DOC2A: variants seen among roughly 807,000 people sequenced by gnomAD.
DOC2A encodes the protein double C2-like domain-containing protein alpha.
In DOC2A, 28 loss-of-function variants were observed where a neutral mutation model predicts 40.6. That is an observed-to-expected ratio of 0.69 (90% CI 0.51 to 0.95). The LOEUF is 0.95. Ranked by LOEUF, DOC2A falls within the 40% of genes least tolerant of loss-of-function variation. The pLI is 0.00. For synonymous variants in DOC2A, 241 were observed against 236.9 expected, an observed-to-expected ratio of 1.02 and a Z score of -0.16; for missense variants, 474 against 552.5, an observed-to-expected ratio of 0.86 and a Z score of 1.42.
intron 1 of DOC2A, among the ~76,000 whole-genome samples, chr16:30,017,433 T>A (rs2070865400): frequency 6.6e-6 from 1 of 152,070 alleles, no homozygotes; most frequent in Non-Finnish European, 1.5e-5. Flanking sequence ...AAATGTGATA[T>A]GTATATGCCA....
chr16:30,007,029 A>G lies in DOC2A; in HGVS notation c.714+2T>C. On this transcript the variant is annotated splice_donor_variant, in intron 7 of 10. Transcript: ENST00000350119. LOFTEE classifies it high-confidence loss of function. ...CATCCCCATCCCCATGAGGTGCCTC[A>G]CCTCCTTCAGATAACAGGAGATGCC... 3 of 1,613,732 alleles carry G rather than the reference A, an allele frequency of 1.9e-6. No homozygotes were observed. Among genetic ancestry groups the G allele is most frequent in the Non-Finnish European group, 2.5e-6 (3 of 1,179,888 alleles).
At chr16:30,012,875 A>C (rs2070807850), upstream of DOC2A, among the ~76,000 whole-genome samples, 1 of 151,594 alleles carries the variant, frequency 6.6e-6, no homozygotes, top group Non-Finnish European at 1.5e-5. Flanking sequence ...GCGTGGTGGT[A>C]TGTGTCTTGG....
intron 1 of DOC2A, among the ~76,000 whole-genome samples, chr16:30,020,033 C>A (rs1055370218): frequency 6.6e-6 from 1 of 152,140 alleles, no homozygotes; most frequent in Non-Finnish European, 1.5e-5. Flanking sequence ...CTCAGCCTCC[C>A]GAGTAGCTGG....
At chr16:30,007,362 A>G in intron 5 of DOC2A, 63 bp from the exon 6 acceptor site, 2 of 1,610,876 alleles carry the variant, frequency 1.2e-6, no homozygotes, top group Non-Finnish European at 1.7e-6. Context: ...GGGTGTAGGA[A>G]GGGCCTTGGA....
Position 30,009,326 on chromosome 16 carries a change from C to CA in DOC2A, c.343-51dup. 6.5e-7 allele frequency: 1 copy of CA among 1,528,540 alleles called. No homozygotes were observed. The allele number at this position is 1,528,540 out of a possible 1,614,324, so 94.7% of individuals were successfully genotyped here. On this transcript the variant is annotated intron_variant, in intron 3 of 10. Transcript: ENST00000350119. This position sits in a 1 kb window ranked among gnomAD's most constrained non-coding sequence, Gnocchi z 4.1. ...GCTAGAGGCTCCCGGCACCTCTCTC[C>CA]ATCCCTCTTGTAGAGCTGGACCCTG... is the stretch of plus-strand genomic sequence containing the variant.
At chr16:30,014,388 C>A (rs2070833999), upstream of DOC2A, among the ~76,000 whole-genome samples, 1 of 151,864 alleles carries the variant, frequency 6.6e-6, no homozygotes, top group Admixed American at 6.6e-5. Flanking sequence ...GTAATCCCAG[C>A]ATTTTGGGAG....
At chr16:30,014,689 C>T (rs988846922), upstream of DOC2A, among the ~76,000 whole-genome samples, 1 of 150,194 alleles carries the variant, frequency 6.7e-6, no homozygotes, top group African/African-American at 2.5e-5. Context: ...CCTGTAATCC[C>T]CGCAATTTGG....
Position 30,006,209 on chromosome 16 carries a change from C to T in DOC2A, c.1180G>A (p.Ala394Thr), listed in dbSNP as rs1388512952. 6.3e-7 allele frequency: 1 copy of T among 1,586,110 alleles called. No homozygotes were observed. The highest frequency in any genetic ancestry group is 8.6e-7 in the Non-Finnish European group (1 of 1,167,802). ...HTLTSELPPA[A>T]GALSSA is the part of the protein sequence containing the mutation. ...ACTCAGGCTGAGGACAGAGCCCCGG[C>T]CGCAGGGGGCAGCTCACTGGTCAGG... The change falls in exon 11 of 11, where the codon GCC becomes ACC. Residue 394 changes from alanine to threonine, a missense_variant. By Grantham distance (58) the Ala-to-Thr change is moderately conservative. Coordinates refer to ENST00000350119, the MANE Select transcript of DOC2A (RefSeq NM_003586.3). This position sits in a 1 kb window ranked among gnomAD's most constrained non-coding sequence, Gnocchi z 6.2.
At chr16:30,014,568 G>A (rs1435963731), upstream of DOC2A, among the ~76,000 whole-genome samples, 1 of 151,896 alleles carries the variant, frequency 6.6e-6, no homozygotes, top group African/African-American at 2.4e-5. Flanking sequence ...CCAGGAGGTA[G>A]AGCTTGCAGT....
At chr16:30,017,777 C>G (rs777575427) in intron 1 of DOC2A, among the ~76,000 whole-genome samples, 1 of 149,668 alleles carries the variant, frequency 6.7e-6, no homozygotes. Context: ...GCCAACATGG[C>G]GAAACCCCAT....
upstream of DOC2A, chr16:30,015,300 ATTTC>A (rs775316419): frequency 3.9e-5 from 6 of 151,970 alleles, no homozygotes; most frequent in East Asian, 1.9e-4. Flanking sequence ...AAATTTTGGT[ATTTC>A]TTTGTTTGTT....
rs2070753062 is a variant in DOC2A, at chr16:30,010,625, T to C, written c.-14+278A>G. 1 of 308,836 alleles carries C rather than the reference T, an allele frequency of 3.2e-6. No individual in the cohort carries two copies. Among genetic ancestry groups the C allele is most frequent in the Admixed American group, 4.5e-5 (1 of 22,064 alleles). 19.1% of individuals were successfully genotyped at this position (308,836 alleles called of 1,614,324 possible). ...GTTTCTCGGAGGCTCTGTCCTCCTC[T>C]GCACCAGGCGCTGGTCTAGTCAGGG... is the stretch of plus-strand genomic sequence containing the variant. On this transcript the variant is annotated intron_variant, in intron 1 of 10. Transcript: ENST00000350119. The surrounding 1 kb of genome is among the most constrained non-coding windows in gnomAD (Gnocchi z 4.2).
intron 1 of DOC2A, among the ~76,000 whole-genome samples, chr16:30,020,198 C>T (rs979369635): frequency 1.1e-4 from 17 of 151,946 alleles, no homozygotes; most frequent in East Asian, 2.0e-4. Flanking sequence ...TGTGAGCCAC[C>T]GCGCCCAGCC....
At chr16:30,018,009 T>C (rs2070871736) in intron 1 of DOC2A, among the ~76,000 whole-genome samples, 1 of 138,102 alleles carries the variant, frequency 7.2e-6, no homozygotes, top group Non-Finnish European at 1.5e-5. Flanking sequence ...CTGGGCGCTG[T>C]AATCCCAGCA....
At chr16:30,016,559 C>T (rs1028390097), upstream of DOC2A, among the ~76,000 whole-genome samples, 2 of 152,222 alleles carry the variant, frequency 1.3e-5, no homozygotes, top group South Asian at 2.1e-4. Flanking sequence ...TGCTCTCTTC[C>T]CACGGTGCTT....
At chr16:30,022,246 CAAAAAAAAAA>C (rs60987861), upstream of DOC2A, among the ~76,000 whole-genome samples, 6 of 34,304 alleles carry the variant, frequency 1.7e-4, no homozygotes, top group South Asian at 2.5e-3. Flanking sequence ...AACTCCATCT[CAAAAAAAAAA>C]AAAAAAAAAA....
chr16:30,005,649 G>A lies in DOC2A; in HGVS notation c.*537C>T. 3.4e-6 allele frequency: 2 copies of A among 590,182 alleles called. No individual in the cohort carries two copies. Among genetic ancestry groups the A allele is most frequent in the Non-Finnish European group, 5.9e-6 (2 of 339,478 alleles). The allele number at this position is 590,182 out of a possible 1,614,324, so 36.6% of individuals were successfully genotyped here. On this transcript the variant is annotated 3_prime_UTR_variant, in exon 11 of 11. Transcript: ENST00000350119. Reference sequence around the variant, plus strand: ...CTTCAAACCCCGGCCCCCTCCAGGGGACAGTTATTTAAACGAGTGGCCGGG... The same window carrying A: ...CTTCAAACCCCGGCCCCCTCCAGGGAACAGTTATTTAAACGAGTGGCCGGG...
chr16:30,015,347 G>C (rs1283395657), upstream of DOC2A: 1 of 152,280 alleles, frequency 6.6e-6, no homozygotes, highest in Admixed American at 6.6e-5. Flanking sequence ...ATGGAGTCTC[G>C]CTCTGTCACC....
chr16:30,007,685 C>T (rs930375058), intron 5 of DOC2A: 5 of 332,842 alleles, frequency 1.5e-5, no homozygotes, highest in Admixed American at 1.3e-4. Flanking sequence ...TCCTCGGGAA[C>T]CCCCGTCCTT....
Sources: gnomAD v4.1 joint callset for allele counts (sites outside exome capture counted in the v4.1 genomes callset) on GRCh38, gnomAD v4.1.1 for gene constraint, Gnocchi (gnomAD v3.1) non-coding constraint, MANE v1.5 for transcripts, NCBI Gene and HGNC (gene_info 2026-07-23, HGNC 2026-07-21) for gene names.